AIG1: variants seen among roughly 807,000 people sequenced by gnomAD.
AIG1 encodes androgen induced 1.
AIG1 carries 23 observed loss-of-function variants against 31.4 expected under a neutral mutation model. The observed-to-expected ratio is 0.73, with a 90% CI of 0.53 to 1.04. The LOEUF (loss-of-function observed/expected upper bound fraction) is 1.04, where lower values mean the gene tolerates loss of function less well. Ranked by LOEUF, AIG1 falls within the 50% of genes least tolerant of loss-of-function variation. The pLI, the probability that AIG1 is intolerant of heterozygous loss-of-function variation, is 0.00. For synonymous variants in AIG1, 100 were observed against 110.5 expected (o/e 0.90, Z 0.60); for missense variants, 274 against 295.0 (o/e 0.93, Z 0.52).
At chr6:143,210,417 C>T (rs1661159084) in intron 3 of AIG1, among the ~76,000 whole-genome samples, 1 of 152,112 alleles carries the variant, frequency 6.6e-6, no homozygotes, top group Non-Finnish European at 1.5e-5. Context: ...ATGATTCTCT[C>T]CCCAGAGCTT....
intron 1 of AIG1, among the ~76,000 whole-genome samples, chr6:143,071,713 C>G (rs569535874): frequency 3.2e-4 from 48 of 150,614 alleles, no homozygotes; most frequent in African/African-American, 1.2e-3. Flanking sequence ...TGTTCTTCTT[C>G]TTCCTCCTTC....
Position 143,333,125 on chromosome 6 carries a change from C to T in AIG1, c.516-157C>T, listed in dbSNP as rs146556715. Among the ~76,000 whole-genome samples the T allele has an allele frequency of 2.0e-5, 3 of 152,304 alleles. No individual in the cohort carries two copies. The highest frequency in any genetic ancestry group is 7.2e-5 in the African/African-American group (3 of 41,560). ...AAAGTAAATGAAAATAAACAGCAAC[C>T]AAGTTTCCAGTAGCTCCTGAGTATC... On this transcript the variant is annotated intron_variant, in intron 4 of 5. Transcript: ENST00000357847. This position sits in a 1 kb window ranked among gnomAD's most constrained non-coding sequence, Gnocchi z 4.6.
intron 2 of AIG1, among the ~76,000 whole-genome samples, chr6:143,140,756 G>A (rs1784180328): frequency 6.6e-6 from 1 of 152,184 alleles, no homozygotes; most frequent in African/African-American, 2.4e-5. Context: ...CTTATCATGT[G>A]TGCAGATGAT....
chr6:143,339,813 T>A lies in AIG1; in HGVS notation c.*137T>A, dbSNP rs1777778999. The A allele has an allele frequency of 1.4e-6, 1 of 708,992 alleles. No homozygotes were observed. The allele number at this position is 708,992 out of a possible 1,614,324, so 43.9% of individuals were successfully genotyped here. ...CCCCCTCCCCCAATGAGGACACCTT[T>A]TATATATAAATATGTATAAACATAG... On this transcript the variant is annotated 3_prime_UTR_variant, in exon 6 of 6. Transcript: ENST00000357847.
rs1277609110 is a variant in AIG1 at position 143,299,843 on chromosome 6, C to CA, written c.515+15620dup. On this transcript the variant is annotated intron_variant, in intron 4 of 5. Coordinates refer to ENST00000357847, the MANE Select transcript of AIG1 (RefSeq NM_016108.4). This position sits in a 1 kb window ranked among gnomAD's most constrained non-coding sequence, Gnocchi z 4.1. The stretch of plus-strand genomic sequence containing the variant: ...TCCTTCCAGGTCTCACTGCCATTCC[C>CA]AATCTAACCTTGAGTCTGAGATCAG... Among the ~76,000 whole-genome samples the CA allele has an allele frequency of 2.0e-5, 3 of 152,198 alleles. No individual in the cohort carries two copies. The highest frequency in any genetic ancestry group is 4.4e-5 in the Non-Finnish European group (3 of 68,040).
rs1165143781 is a variant in AIG1, at chr6:143,280,447, A to G, written c.400-3663A>G. Among the ~76,000 whole-genome samples, 1 of 152,218 alleles carries G rather than the reference A, an allele frequency of 6.6e-6. No homozygotes were observed. Among genetic ancestry groups the G allele is most frequent in the Non-Finnish European group, 1.5e-5 (1 of 68,038 alleles). ...AAATGTTCATTGCAGCACCACTCAC[A>G]ATAGCGAAAACATGGAATCAACCTA... is the stretch of plus-strand genomic sequence containing the variant. On this transcript the variant is annotated intron_variant, in intron 3 of 5. Transcript: ENST00000357847. The surrounding 1 kb of genome is among the most constrained non-coding windows in gnomAD (Gnocchi z 4.1).
At chr6:143,220,991 A>ATTG (rs200697142) in intron 3 of AIG1, among the ~76,000 whole-genome samples, 3,209 of 151,800 alleles carry the variant, frequency 0.021, 79 homozygotes, top group East Asian at 0.067. Flanking sequence ...ACTAGTTTTT[A>ATTG]TTGTTGTTGT....
chr6:143,192,994 G>A (rs1789928364), intron 3 of AIG1, among the ~76,000 whole-genome samples: 1 of 152,166 alleles, frequency 6.6e-6, no homozygotes, highest in South Asian at 2.1e-4. Context: ...CCATTCCACA[G>A]GTGAGGAGCT....
rs182588856 is a variant in AIG1, at chr6:143,211,391, A to G, written c.399+46208A>G. 5.3e-5 allele frequency among the ~76,000 whole-genome samples: 8 copies of G among 152,300 alleles called. 1 individual carries two copies. The highest frequency in any genetic ancestry group is 9.6e-5 in the African/African-American group (4 of 41,550). On this transcript the variant is annotated intron_variant, in intron 3 of 5. Coordinates refer to ENST00000357847, the MANE Select transcript of AIG1 (RefSeq NM_016108.4). ...TTGCGGCTGGTGCTATGAAGGAGACATGGACCACAGGATCCTGAGAGTGAA... is the reference window on the plus strand; with the variant it reads ...TTGCGGCTGGTGCTATGAAGGAGACGTGGACCACAGGATCCTGAGAGTGAA...
At chr6:143,273,237 GA>G (rs1226724162) in intron 3 of AIG1, among the ~76,000 whole-genome samples, 1 of 152,160 alleles carries the variant, frequency 6.6e-6, no homozygotes, top group Non-Finnish European at 1.5e-5. Context: ...CGAATAAGTG[GA>G]TTCTACTGAG....
chr6:143,124,865 T>C (rs1252361717), intron 1 of AIG1, among the ~76,000 whole-genome samples: 1 of 152,058 alleles, frequency 6.6e-6, no homozygotes, highest in Non-Finnish European at 1.5e-5. Flanking sequence ...ACCCCCATGA[T>C]CCAATTACCT....
Position 143,108,749 on chromosome 6 carries a change from A to G in AIG1, c.142-28086A>G, listed in dbSNP as rs143190796. On this transcript the variant is annotated intron_variant, in intron 1 of 5. Coordinates refer to ENST00000357847, the MANE Select transcript of AIG1 (RefSeq NM_016108.4). ...GGGTGTTTTCCTGTGGAATGCCATT[A>G]TCCTGTTTATTTGTTTATATTCAAA... is the stretch of plus-strand genomic sequence containing the variant. 6.9e-3 allele frequency among the ~76,000 whole-genome samples: 1,050 copies of G among 152,298 alleles called. 13 individuals are homozygous for G. The highest frequency in any genetic ancestry group is 0.027 in the South Asian group (131 of 4,826).
At position 143,206,014 on chromosome 6, in the gene AIG1, T is replaced by A. The variant is rs545421965; in HGVS notation, c.399+40831T>A. 6.2e-4 allele frequency among the ~76,000 whole-genome samples: 94 copies of A among 152,206 alleles called. 1 individual carries two copies. The highest frequency in any genetic ancestry group is 1.2e-3 in the Non-Finnish European group (79 of 68,000). On this transcript the variant is annotated intron_variant, in intron 3 of 5. Coordinates refer to ENST00000357847, the MANE Select transcript of AIG1 (RefSeq NM_016108.4). ...TATATCTATTCATTTGTTGAATCTGTGTTTTTAAATGACCAAGGTATTATG... is the reference window on the plus strand; with the variant it reads ...TATATCTATTCATTTGTTGAATCTGAGTTTTTAAATGACCAAGGTATTATG...
In AIG1 at chr6:143,159,320, G is replaced by T. The variant is rs140968523; in HGVS notation, c.298-5762G>T. Among the ~76,000 whole-genome samples the T allele has an allele frequency of 9.7e-3, 1,480 of 152,350 alleles. 19 individuals are homozygous for T. The highest frequency in any genetic ancestry group is 0.034 in the African/African-American group (1,415 of 41,586). ...AAGGAACCAAATCATGTAGGCATTT[G>T]TAGGAGCTGGGTTTGTATTCTATCA... On this transcript the variant is annotated intron_variant, in intron 2 of 5. Coordinates refer to ENST00000357847, the MANE Select transcript of AIG1 (RefSeq NM_016108.4).
intron 4 of AIG1, among the ~76,000 whole-genome samples, chr6:143,309,558 C>G (rs541725471): frequency 6.6e-6 from 1 of 151,618 alleles, no homozygotes; most frequent in African/African-American, 2.4e-5. Flanking sequence ...CCAAAGAAAA[C>G]AGAAAGGGGG....
chr6:143,078,593 G>A lies in AIG1; in HGVS notation c.141+17527G>A, dbSNP rs561232635. 1.2e-4 allele frequency among the ~76,000 whole-genome samples: 19 copies of A among 152,306 alleles called. No homozygotes were observed. In the East Asian group the frequency reaches 3.7e-3, roughly 29 times the overall value. On this transcript the variant is annotated intron_variant, in intron 1 of 5. Coordinates refer to ENST00000357847, the MANE Select transcript of AIG1 (RefSeq NM_016108.4). ...CTCACAATCGTGGTGGAAGGCAAAA[G>A]GCATGTCTTACATGGTGGCAGGAAA...
rs1433542981 is a variant in AIG1 at position 143,268,488 on chromosome 6, G to A, written c.400-15622G>A. On this transcript the variant is annotated intron_variant, in intron 3 of 5. Coordinates refer to ENST00000357847, the MANE Select transcript of AIG1 (RefSeq NM_016108.4). The surrounding 1 kb of genome is among the most constrained non-coding windows in gnomAD (Gnocchi z 5.0). ...TGGCTAGTAAGAAAGCCAGTTATAT[G>A]TCAAGGAGGCTTATTAGCTGTGCAT... 6.6e-6 allele frequency among the ~76,000 whole-genome samples: 1 copy of A among 152,236 alleles called. No homozygotes were observed. The highest frequency in any genetic ancestry group is 2.4e-5 in the African/African-American group (1 of 41,458).
chr6:143,156,480 C>G (rs184424701), intron 2 of AIG1, among the ~76,000 whole-genome samples: 1 of 152,318 alleles, frequency 6.6e-6, no homozygotes, highest in African/African-American at 2.4e-5. Context: ...CAATAAAGAT[C>G]TTTGCAGGTG....
In AIG1 at chr6:143,327,542, TC is replaced by T; in HGVS notation, c.516-5738del. On this transcript the variant is annotated intron_variant, in intron 4 of 5. Coordinates refer to ENST00000357847, the MANE Select transcript of AIG1 (RefSeq NM_016108.4). This position sits in a 1 kb window ranked among gnomAD's most constrained non-coding sequence, Gnocchi z 5.3. ...CCCATACTGTAACCATGTGTGGTTG[TC>T]CAGAAAATATTCTGAGGATGAAGAT... is the stretch of plus-strand genomic sequence containing the variant. The T allele has an allele frequency of 2.6e-6, 1 of 382,766 alleles. No individual in the cohort carries two copies. The highest frequency in any genetic ancestry group is 4.9e-6 in the Non-Finnish European group (1 of 202,580). 23.7% of individuals were successfully genotyped at this position (382,766 alleles called of 1,614,324 possible).
Sources: gnomAD v4.1 joint callset for allele counts (sites outside exome capture counted in the v4.1 genomes callset) on GRCh38, gnomAD v4.1.1 for gene constraint, Gnocchi (gnomAD v3.1) non-coding constraint, MANE v1.5 for transcripts, NCBI Gene and HGNC (gene_info 2026-07-23, HGNC 2026-07-21) for gene names.